Variants in LRMDA observed in about 807,000 individuals in gnomAD.
The protein encoded by LRMDA is leucine rich melanocyte differentiation associated.
Under a neutral mutation model 29.8 loss-of-function variants are expected in LRMDA, and 18 were observed. The observed-to-expected ratio is 0.60, with a 90% confidence interval of 0.42 to 0.90. The LOEUF (loss-of-function observed/expected upper bound fraction) is 0.90. Ranked by LOEUF, LRMDA falls within the 40% of genes least tolerant of loss-of-function variation. The pLI is 0.00. For missense variants in LRMDA, 273 were observed against 273.9 expected, an observed-to-expected ratio of 1.00 and a Z score of 0.02; for synonymous variants, 125 against 109.4, an observed-to-expected ratio of 1.14 and a Z score of -0.89.
At chr10:75,889,860 G>T (rs755317513) in intron 2 of LRMDA, among the ~76,000 whole-genome samples, 1 of 152,232 alleles carries the variant, frequency 6.6e-6, no homozygotes, top group South Asian at 2.1e-4. Context: ...AAATTGCATG[G>T]TTCAAACTAA....
At chr10:76,169,447 G>A (rs560794074) in intron 5 of LRMDA, among the ~76,000 whole-genome samples, 28 of 152,282 alleles carry the variant, frequency 1.8e-4, no homozygotes, top group African/African-American at 6.5e-4. Context: ...TATCCCACAG[G>A]AGCAGACGGG....
chr10:76,045,543 G>T (rs1416228902), intron 3 of LRMDA, among the ~76,000 whole-genome samples: 1 of 151,952 alleles, frequency 6.6e-6, no homozygotes, highest in Non-Finnish European at 1.5e-5. Context: ...GTCTCTGGCT[G>T]CTCTCACCTA....
At chr10:76,278,359 T>C (rs1337978656) in intron 5 of LRMDA, among the ~76,000 whole-genome samples, 1 of 152,184 alleles carries the variant, frequency 6.6e-6, no homozygotes, top group African/African-American at 2.4e-5. Context: ...TCTTTAAAAA[T>C]ATAATGAGAT....
intron 2 of LRMDA, among the ~76,000 whole-genome samples, chr10:75,439,052 G>C (rs551994151): frequency 8.7e-4 from 133 of 152,260 alleles, no homozygotes; most frequent in African/African-American, 3.0e-3. Context: ...GGAGTGGGTG[G>C]GAGGAAAACT....
At chr10:76,232,151 G>C (rs1478359618) in intron 5 of LRMDA, among the ~76,000 whole-genome samples, 1 of 152,018 alleles carries the variant, frequency 6.6e-6, no homozygotes, top group Non-Finnish European at 1.5e-5. Context: ...TGGTTTTAGG[G>C]AACACTGTTT....
At chr10:76,508,428 A>T (rs1420391027) in intron 6 of LRMDA, among the ~76,000 whole-genome samples, 1 of 152,184 alleles carries the variant, frequency 6.6e-6, no homozygotes, top group Non-Finnish European at 1.5e-5. Context: ...TGTGAGAAAG[A>T]GTTTACCATG....
intron 5 of LRMDA, among the ~76,000 whole-genome samples, chr10:76,075,327 G>T (rs549524774): frequency 1.3e-5 from 2 of 152,306 alleles, no homozygotes; most frequent in Admixed American, 1.3e-4. Flanking sequence ...AGAGGCATCA[G>T]GGGTGCCCAT....
chr10:76,393,763 A>G (rs956260450), intron 6 of LRMDA, among the ~76,000 whole-genome samples: 1 of 152,126 alleles, frequency 6.6e-6, no homozygotes, highest in Non-Finnish European at 1.5e-5. Context: ...GTTTTCCCCT[A>G]TGTTTCCTTC....
At chr10:76,347,230 A>G (rs9971268) in intron 6 of LRMDA, among the ~76,000 whole-genome samples, 16,429 of 152,152 alleles carry the variant, frequency 0.11, 1,025 homozygotes, top group East Asian at 0.31. Flanking sequence ...TAGTCCTTTT[A>G]TATAAAACCT....
intron 2 of LRMDA, among the ~76,000 whole-genome samples, chr10:76,011,688 T>A (rs957703111): frequency 6.6e-6 from 1 of 152,212 alleles, no homozygotes; most frequent in Non-Finnish European, 1.5e-5. Flanking sequence ...AGGAAAGGGA[T>A]TCTGTGTGAT....
At chr10:76,047,361 A>G in intron 4 of LRMDA, 58 bp downstream of exon 4, 1 of 1,505,636 alleles carries the variant, frequency 6.6e-7, no homozygotes, top group Non-Finnish European at 8.9e-7. Flanking sequence ...ACTTTAGGGG[A>G]TGATATTATA....
At chr10:76,248,838 A>T (rs1322566) in intron 5 of LRMDA, among the ~76,000 whole-genome samples, 10,964 of 152,250 alleles carry the variant, frequency 0.072, 1,228 homozygotes, top group African/African-American at 0.24. Flanking sequence ...GCCTGTAATT[A>T]TTAATATGAC....
intron 2 of LRMDA, among the ~76,000 whole-genome samples, chr10:75,784,387 G>T (rs1843436014): frequency 6.6e-6 from 1 of 152,178 alleles, no homozygotes; most frequent in South Asian, 2.1e-4. Context: ...TACTATGAAT[G>T]GTTAGTTGGT....
intron 5 of LRMDA, among the ~76,000 whole-genome samples, chr10:76,293,282 A>G (rs1468200066): frequency 6.6e-6 from 1 of 152,168 alleles, no homozygotes; most frequent in Non-Finnish European, 1.5e-5. Context: ...TGCCCAGCCT[A>G]GTCTGTGTGC....
chr10:75,737,398 G>T (rs1407231888), intron 2 of LRMDA, among the ~76,000 whole-genome samples: 1 of 152,212 alleles, frequency 6.6e-6, no homozygotes, highest in African/African-American at 2.4e-5. Flanking sequence ...GGAACGTTGG[G>T]CCATCCCAAG....
At chr10:76,077,126 C>T (rs555231363) in intron 5 of LRMDA, among the ~76,000 whole-genome samples, 1 of 152,112 alleles carries the variant, frequency 6.6e-6, no homozygotes, top group Non-Finnish European at 1.5e-5. Context: ...GTTCCCATCC[C>T]AAATCATAGG....
intron 2 of LRMDA, among the ~76,000 whole-genome samples, chr10:75,883,035 C>A (rs1234551236): frequency 2.0e-5 from 3 of 152,174 alleles, no homozygotes; most frequent in Non-Finnish European, 4.4e-5. Flanking sequence ...CCCTGACAAC[C>A]CATGGACCGA....
At chr10:76,383,588 G>A (rs945667554) in intron 6 of LRMDA, among the ~76,000 whole-genome samples, 18 of 148,878 alleles carry the variant, frequency 1.2e-4, no homozygotes, top group East Asian at 7.9e-4. Flanking sequence ...CCGCCACCAC[G>A]CCCGGCTAAT....
rs189875052 is a variant in LRMDA at position 75,697,984 on chromosome 10, A to T, written c.131+259490A>T. ...CTAAGTGCTTTATTTAAATTAATAC[A>T]CTTCATCCTTACAGTCGCCCTCTGG... On this transcript the variant is annotated intron_variant, in intron 2 of 6. Transcript: ENST00000611255. Among the ~76,000 whole-genome samples the T allele has an allele frequency of 3.0e-3, 457 of 152,242 alleles. 6 individuals are homozygous for T. The highest frequency in any genetic ancestry group is 0.023 in the South Asian group (109 of 4,808).
Sources: allele counts gnomAD v4.1 joint callset (sites outside exome capture counted in the v4.1 genomes callset), GRCh38; gene constraint gnomAD v4.1.1; transcripts MANE v1.5; gene names NCBI Gene and HGNC (gene_info 2026-07-23, HGNC 2026-07-21).